RBM26: variants seen among roughly 807,000 people sequenced by gnomAD.
RBM26 encodes RNA-binding protein 26.
A neutral mutation model predicts 123.6 loss-of-function variants in RBM26; 30 were observed. The ratio of observed to expected loss-of-function variants is 0.24; its 90% confidence interval spans 0.18 to 0.33. The LOEUF (loss-of-function observed/expected upper bound fraction) is 0.33. RBM26 is among the 10% of genes least tolerant of loss of function. The pLI, the probability that RBM26 is intolerant of heterozygous loss-of-function variation, is 1.00. For synonymous variants in RBM26, 400 were observed against 404.4 expected, an observed-to-expected ratio of 0.99 and a Z score of 0.13; for missense variants, 947 against 1,203.6, an observed-to-expected ratio of 0.79 and a Z score of 3.15.
Position 79,366,142 on chromosome 13 carries a change from T to C in RBM26, c.1189A>G (p.Asn397Asp). Residue 397 changes from asparagine (N) to aspartate (D), a missense_variant, in exon 8 of 22, where the codon AAC becomes GAC. Coordinates refer to ENST00000438737, the MANE Select transcript of RBM26 (RefSeq NM_001366735.2). ...LQPSGMDAPP[N>D]SATSSVPTVV... The stretch of plus-strand genomic sequence containing the variant: ...GTAGGAACAGAACTGGTTGCAGAGT[T>C]TGGAGGAGCATCCATGCCAGATGGC... 2 of 1,613,796 alleles carry C rather than the reference T, an allele frequency of 1.2e-6. No homozygotes were observed. Among genetic ancestry groups the C allele is most frequent in the Non-Finnish European group, 8.5e-7 (1 of 1,179,802 alleles).
rs114511442 is a variant in RBM26, at chr13:79,390,544, T to G, written c.72-11637A>C. On this transcript the variant is annotated intron_variant, in intron 1 of 21. Transcript: ENST00000438737. ...AAAATGTATACACTTGTAAAAACTA[T>G]AAAATGGTACACTTAAGATCTGTGC... 4.9e-3 allele frequency among the ~76,000 whole-genome samples: 751 copies of G among 152,250 alleles called. 7 individuals carry two copies. The highest frequency in any genetic ancestry group is 0.017 in the African/African-American group (718 of 41,532).
At chr13:79,354,090 G>C (rs1469692015) in intron 13 of RBM26, among the ~76,000 whole-genome samples, 1 of 152,052 alleles carries the variant, frequency 6.6e-6, no homozygotes, top group African/African-American at 2.4e-5. Flanking sequence ...TTCTAATTAA[G>C]TAAAAAGATG....
intron 1 of RBM26, among the ~76,000 whole-genome samples, chr13:79,403,321 A>G (rs568306249): frequency 1.5e-4 from 23 of 152,170 alleles, no homozygotes; most frequent in Non-Finnish European, 2.6e-4. Flanking sequence ...CTACTAGCAG[A>G]GCCTTATTTA....
At chr13:79,348,915 G>A (rs2072758034) in intron 14 of RBM26, among the ~76,000 whole-genome samples, 2 of 152,048 alleles carry the variant, frequency 1.3e-5, no homozygotes. Context: ...CTTTTTTGTA[G>A]CTTTCAAAAT....
intron 3 of RBM26, among the ~76,000 whole-genome samples, chr13:79,374,730 G>A (rs1032757974): frequency 6.6e-6 from 1 of 151,856 alleles, no homozygotes; most frequent in African/African-American, 2.4e-5. Context: ...GCACTTTTGC[G>A]AGTTATCTAA....
At chr13:79,337,915 A>T (rs887452758) in intron 18 of RBM26, among the ~76,000 whole-genome samples, 1 of 152,204 alleles carries the variant, frequency 6.6e-6, no homozygotes, top group Non-Finnish European at 1.5e-5. Context: ...AGTGTAAAGA[A>T]GCATTAAACA....
intron 1 of RBM26, among the ~76,000 whole-genome samples, chr13:79,404,589 G>A (rs2140628776): frequency 6.6e-6 from 1 of 152,280 alleles, no homozygotes; most frequent in East Asian, 1.9e-4. Context: ...TCCAGCCACA[G>A]TGGCCTTTCT....
intron 14 of RBM26, among the ~76,000 whole-genome samples, chr13:79,346,491 G>A (rs1017291474): frequency 7.2e-5 from 11 of 151,998 alleles, no homozygotes; most frequent in Non-Finnish European, 1.5e-4. Flanking sequence ...GTGATCCTCA[G>A]CCTCCCAAGT....
At chr13:79,338,749 G>A (rs2070879965) in intron 18 of RBM26, among the ~76,000 whole-genome samples, 1 of 152,134 alleles carries the variant, frequency 6.6e-6, no homozygotes, top group Non-Finnish European at 1.5e-5. Context: ...AAAGAAGCTG[G>A]GAAACCATTC....
downstream of RBM26, chr13:79,314,794 T>C (rs1447980782): frequency 3.3e-6 from 1 of 302,114 alleles, no homozygotes; most frequent in African/African-American, 2.2e-5. Context: ...CACATTCAGA[T>C]ACACTTTGGA....
chr13:79,316,845 C>T (rs568920265), downstream of RBM26, among the ~76,000 whole-genome samples: 22 of 151,838 alleles, frequency 1.4e-4, no homozygotes, highest in Admixed American at 2.6e-4. Context: ...GAAGAGGCGA[C>T]CTACATTGCT....
At chr13:79,366,256 C>T (rs2075259551) in intron 7 of RBM26, 61 bp from the exon 8 acceptor site, 4 of 1,516,950 alleles carry the variant, frequency 2.6e-6, no homozygotes, top group Non-Finnish European at 3.6e-6. Context: ...CAAGTTATTG[C>T]ACATCCGAAC....
At position 79,344,792 on chromosome 13, in the gene RBM26, C is replaced by T. The variant is rs1432668999; in HGVS notation, c.2061G>A (p.Val687=). 8 of 1,610,188 alleles carry T rather than the reference C, an allele frequency of 5.0e-6. No individual in the cohort carries two copies. Among genetic ancestry groups the T allele is most frequent in the Middle Eastern group, 3.3e-4 (2 of 6,044 alleles). The stretch of plus-strand genomic sequence containing the variant: ...TTGTTAGGCCAGTAGATGTAGACAA[C>T]ACCTACCAATACAAATTCAACTTTT... ...SKPSVSATEK[V]LSTSTGLTKT... is the part of the protein sequence containing the mutation. Residue 687 remains valine, a splice_region_variant and synonymous_variant, in exon 15 of 22, where the codon GTG becomes GTA. Coordinates refer to ENST00000438737, the MANE Select transcript of RBM26 (RefSeq NM_001366735.2).
At chr13:79,342,232 T>C (rs1296416013) in intron 17 of RBM26, among the ~76,000 whole-genome samples, 1 of 151,826 alleles carries the variant, frequency 6.6e-6, no homozygotes, top group African/African-American at 2.4e-5. Context: ...TTTTTCTTAA[T>C]CACTTATTAC....
intron 9 of RBM26, among the ~76,000 whole-genome samples, chr13:79,360,599 A>G (rs1292585063): frequency 6.6e-6 from 1 of 152,130 alleles, no homozygotes; most frequent in East Asian, 1.9e-4. Flanking sequence ...ACTTTACACT[A>G]ATCCAATAAT....
At chr13:79,344,437 G>T in intron 15 of RBM26, 115 bp from the exon 16 acceptor site, 1 of 889,142 alleles carries the variant, frequency 1.1e-6, no homozygotes, top group Non-Finnish European at 1.8e-6. Context: ...TATATGCAAG[G>T]CTTTTCTATG....
At chr13:79,387,910 T>C (rs568223026) in intron 1 of RBM26, among the ~76,000 whole-genome samples, 2 of 152,320 alleles carry the variant, frequency 1.3e-5, no homozygotes, top group South Asian at 4.1e-4. Context: ...CACTGTTACA[T>C]AGCAACTACT....
intron 20 of RBM26, among the ~76,000 whole-genome samples, chr13:79,327,241 A>T (rs2068565534): frequency 6.6e-6 from 1 of 150,988 alleles, no homozygotes; most frequent in African/African-American, 2.4e-5. Context: ...GGCTGCAGTG[A>T]GCTGTGATCA....
intron 13 of RBM26, among the ~76,000 whole-genome samples, 173 bp downstream of exon 13, chr13:79,354,266 T>C (rs1316046509): frequency 1.3e-5 from 2 of 150,992 alleles, no homozygotes; most frequent in Non-Finnish European, 3.0e-5. Context: ...GAAAATGTTA[T>C]GGTAATGGTA....
Sources: allele counts gnomAD v4.1 joint callset (sites outside exome capture counted in the v4.1 genomes callset), GRCh38; gene constraint gnomAD v4.1.1; transcripts MANE v1.5; gene names NCBI Gene and HGNC (gene_info 2026-07-23, HGNC 2026-07-21).